CDC14B: variants seen among roughly 807,000 people sequenced by gnomAD.
The protein encoded by CDC14B is dual specificity protein phosphatase CDC14B.
Under a neutral mutation model 64.2 loss-of-function variants are expected in CDC14B, and 22 were observed. The observed-to-expected ratio is 0.34, with a 90% CI of 0.24 to 0.49. The LOEUF (loss-of-function observed/expected upper bound fraction) is 0.49. Ranked by LOEUF, CDC14B falls within the 20% of genes least tolerant of loss-of-function variation. The pLI, the probability that CDC14B is intolerant of heterozygous loss-of-function variation, is 0.99. For missense variants in CDC14B, 498 were observed against 629.9 expected, an observed-to-expected ratio of 0.79 and a Z score of 2.24; for synonymous variants, 191 against 215.8, an observed-to-expected ratio of 0.89 and a Z score of 1.01.
At chr9:96,495,675 TAGAA>T (rs960166665), downstream of CDC14B, among the ~76,000 whole-genome samples, 7 of 152,118 alleles carry the variant, frequency 4.6e-5, no homozygotes, top group African/African-American at 1.7e-4. Flanking sequence ...GGAAGGTGGA[TAGAA>T]AGACAGCAGG....
intron 4 of CDC14B, among the ~76,000 whole-genome samples, chr9:96,561,319 G>A (rs944444874): frequency 3.3e-5 from 5 of 152,308 alleles, no homozygotes; most frequent in African/African-American, 4.8e-5. Context: ...CTTGAGGTAC[G>A]ATTTCAACTA....
At chr9:96,569,317 T>C (rs896396516) in intron 1 of CDC14B, among the ~76,000 whole-genome samples, 8 of 152,152 alleles carry the variant, frequency 5.3e-5, no homozygotes, top group Admixed American at 4.6e-4. Context: ...AGGGAACTGG[T>C]TAGTAACAAG....
At chr9:96,562,569 A>G (rs1192715678) in intron 4 of CDC14B, 124 bp downstream of exon 4, 1 of 734,026 alleles carries the variant, frequency 1.4e-6, no homozygotes, top group East Asian at 2.5e-5. Context: ...ATTTTTTAAA[A>G]GCAAAACACG....
intron 13 of CDC14B, among the ~76,000 whole-genome samples, chr9:96,507,708 C>G (rs939440895): frequency 5.9e-5 from 9 of 152,002 alleles, no homozygotes; most frequent in African/African-American, 2.2e-4. Context: ...GCCACCGCGC[C>G]CAGCCTGAAT....
At chr9:96,564,065 AT>A (rs905436645) in intron 3 of CDC14B, among the ~76,000 whole-genome samples, 39 of 150,756 alleles carry the variant, frequency 2.6e-4, no homozygotes, top group South Asian at 6.3e-4. Context: ...ATTCAATTAA[AT>A]TTTTTTTTTA....
chr9:96,544,209 C>T lies in CDC14B; in HGVS notation c.498-2317G>A, dbSNP rs1840481668. ...ACTCCAGCCTGGTGACAGAGCGAGA[C>T]TCCCATCTCAAAAAAATAAAATAAA... On this transcript the variant is annotated intron_variant, in intron 5 of 13. Transcript: ENST00000375241. Among the ~76,000 whole-genome samples, 3 of 151,922 alleles carry T rather than the reference C, an allele frequency of 2.0e-5. No individual in the cohort carries two copies. The South Asian group carries it at 6.2e-4, about 32-fold the overall frequency.
At chr9:96,547,428 T>C (rs1841098209) in intron 5 of CDC14B, among the ~76,000 whole-genome samples, 3 of 150,380 alleles carry the variant, frequency 2.0e-5, no homozygotes, top group Admixed American at 2.0e-4. Flanking sequence ...ATCACACCAA[T>C]GCACTCCAGC....
intron 11 of CDC14B, 129 bp downstream of exon 11, chr9:96,523,132 T>C (rs552305637): frequency 9.9e-7 from 1 of 1,014,206 alleles, no homozygotes; most frequent in East Asian, 2.4e-5. Flanking sequence ...GAGAGGGTTA[T>C]AAATATAAAA....
intron 12 of CDC14B, among the ~76,000 whole-genome samples, chr9:96,511,440 A>C (rs1834892446): frequency 6.6e-6 from 1 of 152,188 alleles, no homozygotes; most frequent in African/African-American, 2.4e-5. Context: ...GTGTGGTGGC[A>C]GGTGCCTATA....
intron 1 of CDC14B, among the ~76,000 whole-genome samples, chr9:96,591,575 G>T (rs894815946): frequency 1.3e-5 from 2 of 151,580 alleles, no homozygotes; most frequent in African/African-American, 4.9e-5. Context: ...ATCCTTTGAG[G>T]TTCCATATAA....
intron 13 of CDC14B, among the ~76,000 whole-genome samples, chr9:96,507,268 G>C (rs1184183724): frequency 1.6e-5 from 2 of 124,142 alleles, no homozygotes; most frequent in African/African-American, 3.1e-5. Flanking sequence ...AGTGAGCCGA[G>C]AAAACACTAC....
At chr9:96,566,597 G>A (rs887690326) in intron 1 of CDC14B, among the ~76,000 whole-genome samples, 1 of 152,142 alleles carries the variant, frequency 6.6e-6, no homozygotes, top group Non-Finnish European at 1.5e-5. Flanking sequence ...GGTCACAGCC[G>A]CCCATGAGCG....
chr9:96,504,117 C>T (rs1262571689), intron 13 of CDC14B, among the ~76,000 whole-genome samples: 1 of 152,224 alleles, frequency 6.6e-6, no homozygotes, highest in African/African-American at 2.4e-5. Context: ...GCCAGGGGCA[C>T]GTGCTGCAAA....
At chr9:96,523,840 G>A in intron 9 of CDC14B, 115 bp from the exon 10 acceptor site, 1 of 1,050,268 alleles carries the variant, frequency 9.5e-7, no homozygotes, top group Non-Finnish European at 1.4e-6. Context: ...TTCAATAGTG[G>A]TTCTCAAGGC....
chr9:96,562,281 A>T (rs1027721435), intron 4 of CDC14B, among the ~76,000 whole-genome samples: 5 of 152,298 alleles, frequency 3.3e-5, no homozygotes, highest in African/African-American at 9.6e-5. Context: ...TTTTAAAAAA[A>T]TTTTTAGAAA....
At chr9:96,496,474 ACT>A, downstream of CDC14B, 2 of 408,462 alleles carry the variant, frequency 4.9e-6, no homozygotes, top group South Asian at 3.6e-5. Flanking sequence ...TGGGCCGCTA[ACT>A]CTCAACCGCA....
chr9:96,551,730 C>T (rs12004815), intron 5 of CDC14B, 66 bp downstream of exon 5: 421,696 of 1,569,690 alleles, frequency 0.27, 59,779 homozygotes, highest in East Asian at 0.56. Flanking sequence ...TTTTCAGAAA[C>T]AACTATCAAG....
chr9:96,498,622 G>A (rs1403632249), downstream of CDC14B, among the ~76,000 whole-genome samples: 1 of 152,208 alleles, frequency 6.6e-6, no homozygotes, highest in Non-Finnish European at 1.5e-5. Flanking sequence ...AAAAATATCA[G>A]AAACTGAGGG....
At chr9:96,599,887 A>C (rs1357073307) in intron 1 of CDC14B, among the ~76,000 whole-genome samples, 2 of 151,944 alleles carry the variant, frequency 1.3e-5, no homozygotes, top group Non-Finnish European at 2.9e-5. Context: ...GCATGCCACC[A>C]CACCCAACTA....
Sources: allele counts gnomAD v4.1 joint callset (sites outside exome capture counted in the v4.1 genomes callset), GRCh38; gene constraint gnomAD v4.1.1; transcripts MANE v1.5; gene names NCBI Gene and HGNC (gene_info 2026-07-23, HGNC 2026-07-21).